Variants in CR2 observed in about 807,000 individuals in gnomAD.
CR2 encodes the protein complement C3d receptor 2.
A neutral mutation model predicts 123.0 loss-of-function variants in CR2; 96 were observed. The ratio of observed to expected loss-of-function variants is 0.78; its 90% confidence interval spans 0.66 to 0.93. The LOEUF (loss-of-function observed/expected upper bound fraction) is 0.93, where lower values mean the gene tolerates loss of function less well. Among genes scored for constraint, CR2 ranks in the 40% least tolerant of loss-of-function variants. The pLI is 0.00. For synonymous variants in CR2, 484 were observed against 469.5 expected (o/e 1.03, Z -0.40); for missense variants, 1,258 against 1,361.0 (o/e 0.92, Z 1.19).
rs147633291 is a variant in CR2, at chr1:207,468,824, G to A, written c.659G>A (p.Arg220Gln). The A allele has an allele frequency of 1.8e-5, 29 of 1,613,858 alleles. No homozygotes were observed. The highest frequency in any genetic ancestry group is 1.6e-4 in the Middle Eastern group (1 of 6,082). ...CEEARCKSLG[R>Q]FPNGKVKEPP... ...GAGGCACGCTGTAAATCTCTAGGAC[G>A]ATTTCCCAATGGGAAGGTAAAGGAG... is the stretch of plus-strand genomic sequence containing the variant. Residue 220 changes from arginine to glutamine, a missense_variant, in exon 4 of 20, where the codon CGA (arginine) becomes CAA (glutamine). Coordinates refer to ENST00000367057, the MANE Select transcript of CR2 (RefSeq NM_001006658.3).
intron 19 of CR2, among the ~76,000 whole-genome samples, chr1:207,487,955 G>T (rs1435734809): frequency 6.6e-6 from 1 of 152,192 alleles, no homozygotes; most frequent in African/African-American, 2.4e-5. Context: ...TGAGAGTGAG[G>T]CTCAGAAAGG....
chr1:207,456,472 T>C (rs1657837988), intron 1 of CR2, among the ~76,000 whole-genome samples: 1 of 152,260 alleles, frequency 6.6e-6, no homozygotes, highest in African/African-American at 2.4e-5. Flanking sequence ...TAGAAGATTC[T>C]GCAACAAGTA....
At position 207,473,199 on chromosome 1, in the gene CR2, GAA is replaced by G. The variant is rs368822564; in HGVS notation, c.1978+25_1978+26del. On this transcript the variant is annotated intron_variant, in intron 10 of 19. Coordinates refer to ENST00000367057, the MANE Select transcript of CR2 (RefSeq NM_001006658.3). ...AAAAAGGTAAAAACCCAATAAGGGG[GAA>G]AAAAGGAGAGATTTACTTAATTATT... 1,439 of 1,610,588 alleles carry G rather than the reference GAA, an allele frequency of 8.9e-4. 20 individuals are homozygous for G. In the South Asian group the frequency reaches 0.01, roughly 12 times the overall value.
chr1:207,474,355 G>A (rs1558193772), intron 13 of CR2, 32 bp downstream of exon 13: 2 of 1,481,894 alleles, frequency 1.3e-6, no homozygotes, highest in South Asian at 1.1e-5. Context: ...CCTGACAATG[G>A]TAATGGAGGA....
chr1:207,486,871 G>A (rs1174355943), intron 19 of CR2, among the ~76,000 whole-genome samples: 1 of 152,218 alleles, frequency 6.6e-6, no homozygotes, highest in South Asian at 2.1e-4. Flanking sequence ...AAAATCAGGA[G>A]TTCCACTGTG....
Position 207,468,665 on chromosome 1 carries a change from T to G in CR2, c.584T>G (p.Ile195Ser). ...TACTTGCTTGTTGGAGAAAAGATCA[T>G]TAACTGTTTGTCTTCGGGAAAATGG... ...SGYLLVGEKI[I>S]NCLSSGKWSA... The change falls in exon 3 of 20, where the codon ATT (isoleucine) becomes AGT (serine). Residue 195 changes from isoleucine (I) to serine (S), a missense_variant. Coordinates refer to ENST00000367057, the MANE Select transcript of CR2 (RefSeq NM_001006658.3). 6.2e-7 allele frequency: 1 copy of G among 1,614,094 alleles called. No individual in the cohort carries two copies. The highest frequency in any genetic ancestry group is 8.5e-7 in the Non-Finnish European group (1 of 1,179,972).
rs780547585 is a variant in CR2 at position 207,474,954 on chromosome 1, A to G, written c.2454A>G (p.Lys818=). 3.1e-6 allele frequency: 5 copies of G among 1,614,042 alleles called. No homozygotes were observed. The Admixed American group carries it at 8.3e-5, about 27-fold the overall frequency. ...GATTCTATCTCCTGGGAGAGAAAAA[A>G]TTGCAGTGCAGAAGTGATTCTAAAG... ...DQGFYLLGEK[K]LQCRSDSKGH... is the part of the protein sequence containing the mutation. The change falls in exon 14 of 20, where the codon AAA becomes AAG. Residue 818 remains lysine (K), a synonymous_variant. Coordinates refer to ENST00000367057, the MANE Select transcript of CR2 (RefSeq NM_001006658.3).
intron 9 of CR2, 90 bp downstream of exon 9, chr1:207,471,589 T>G: frequency 1.1e-6 from 1 of 886,102 alleles, no homozygotes; most frequent in Non-Finnish European, 1.9e-6. Flanking sequence ...TTATGAGAAT[T>G]AGAGTATTAG....
intron 14 of CR2, 47 bp downstream of exon 14, chr1:207,475,263 A>G (rs945074760): frequency 2.5e-6 from 4 of 1,600,022 alleles, no homozygotes; most frequent in Non-Finnish European, 3.4e-6. Context: ...TACAGAATAA[A>G]GAAAAGAGGT....
chr1:207,473,842 G>C lies in CR2; in HGVS notation c.2197G>C (p.Ala733Pro). 1.2e-6 allele frequency: 2 copies of C among 1,613,956 alleles called. No homozygotes were observed. Among genetic ancestry groups the C allele is most frequent in the Non-Finnish European group, 1.7e-6 (2 of 1,179,890 alleles). ...HVRQSLQELPAGSRVELVNTS... is the reference protein window; with the variant it reads ...HVRQSLQELPPGSRVELVNTS... ...GAGACAGAGTCTTCAAGAACTTCCA[G>C]CTGGTTCACGTGTGGAGCTAGTTAA... Residue 733 changes from alanine (A) to proline (P), a missense_variant, in exon 12 of 20, where the codon GCT becomes CCT. Physicochemically the swap from Ala to Pro is conservative, Grantham distance 27. Coordinates refer to ENST00000367057, the MANE Select transcript of CR2 (RefSeq NM_001006658.3).
In CR2 at chr1:207,479,761, A is replaced by C. The variant is rs2182909; in HGVS notation, c.3113-217A>C. ...AAAAGTTGACTGGAACCTTGTGGTCATGTGCTTGGTGCTTTAGATTAAAGG... is the reference window on the plus strand; with the variant it reads ...AAAAGTTGACTGGAACCTTGTGGTCCTGTGCTTGGTGCTTTAGATTAAAGG... On this transcript the variant is annotated intron_variant, in intron 17 of 19. Coordinates refer to ENST00000367057, the MANE Select transcript of CR2 (RefSeq NM_001006658.3). Among the ~76,000 whole-genome samples, 39,183 of 152,142 alleles carry C rather than the reference A, an allele frequency of 0.26. 5,212 individuals are homozygous for C. The highest frequency in any genetic ancestry group is 0.31 in the Non-Finnish European group (20,980 of 67,990).
chr1:207,479,205 G>C, intron 16 of CR2, 52 bp from the exon 17 acceptor site: 1 of 1,394,792 alleles, frequency 7.2e-7, no homozygotes, highest in South Asian at 1.2e-5. Flanking sequence ...GGGCTACATT[G>C]AATTATGACA....
intron 15 of CR2, among the ~76,000 whole-genome samples, chr1:207,477,271 C>A (rs536801697): frequency 6.6e-6 from 1 of 152,140 alleles, no homozygotes; most frequent in Non-Finnish European, 1.5e-5. Context: ...GGCAAGAGAG[C>A]GTGTGCAGGA....
intron 8 of CR2, 27 bp from the exon 9 acceptor site, chr1:207,471,396 A>G (rs752479354): frequency 1.3e-6 from 2 of 1,566,566 alleles, no homozygotes; most frequent in Non-Finnish European, 1.8e-6. Context: ...CCTGATGGCA[A>G]AATGACATAC....
At chr1:207,484,102 A>G (rs1178738310) in intron 18 of CR2, among the ~76,000 whole-genome samples, 1 of 152,262 alleles carries the variant, frequency 6.6e-6, no homozygotes, top group Non-Finnish European at 1.5e-5. Flanking sequence ...GTAAATACAT[A>G]GAAAATACAG....
chr1:207,464,941 G>T (rs933078376), intron 1 of CR2, among the ~76,000 whole-genome samples: 17 of 151,970 alleles, frequency 1.1e-4, no homozygotes, highest in Non-Finnish European at 2.4e-4. Flanking sequence ...TTCTGTTTTT[G>T]TTTTTTTGAG....
chr1:207,488,581 G>A (rs566541930), intron 19 of CR2, among the ~76,000 whole-genome samples: 1 of 152,114 alleles, frequency 6.6e-6, no homozygotes. Context: ...CTGAGATCAC[G>A]CCACTGCACT....
At position 207,470,770 on chromosome 1, in the gene CR2, G is replaced by C; in HGVS notation, c.1256G>C (p.Gly419Ala). ...ECQAPPNILN[G>A]QKEDRHMVRF... The stretch of plus-strand genomic sequence containing the variant: ...CAGGCCCCTCCTAACATCCTCAATG[G>C]GCAAAAGGAAGATAGACACATGGTC... Residue 419 changes from glycine (G) to alanine (A), a missense_variant, in exon 7 of 20, where the codon GGG (glycine) becomes GCG (alanine). By Grantham distance (60) the Gly-to-Ala change is moderately conservative. Transcript: ENST00000367057. 1.9e-6 allele frequency: 3 copies of C among 1,613,776 alleles called. No homozygotes were observed. Among genetic ancestry groups the C allele is most frequent in the Non-Finnish European group, 2.5e-6 (3 of 1,179,850 alleles).
Position 207,469,895 on chromosome 1 carries a change from C to T in CR2, c.1018C>T (p.Pro340Ser), listed in dbSNP as rs2102303332. 6.2e-7 allele frequency: 1 copy of T among 1,613,978 alleles called. No individual in the cohort carries two copies. The highest frequency in any genetic ancestry group is 8.5e-7 in the Non-Finnish European group (1 of 1,179,936). The change falls in exon 6 of 20, where the codon CCA becomes TCA. Residue 340 changes from proline to serine, a missense_variant. Transcript: ENST00000367057. ...GACTGGGACCTGGAGTGGCCCTGCC[C>T]CACGCTGTGAACTTTCTACTTCTGC... Reference protein sequence around the residue: ...QKTGTWSGPAPRCELSTSAVQ... With the variant: ...QKTGTWSGPASRCELSTSAVQ...
Sources: gnomAD v4.1 joint callset for allele counts (sites outside exome capture counted in the v4.1 genomes callset) on GRCh38, gnomAD v4.1.1 for gene constraint, MANE v1.5 for transcripts, NCBI Gene and HGNC (gene_info 2026-07-23, HGNC 2026-07-21) for gene names.